SLC35F3: variants seen among roughly 807,000 people sequenced by gnomAD.
SLC35F3 encodes the protein putative thiamine transporter SLC35F3.
Under a neutral mutation model 49.9 loss-of-function variants are expected in SLC35F3, and 25 were observed. That is an observed-to-expected ratio of 0.50 (90% CI 0.37 to 0.70). The LOEUF (loss-of-function observed/expected upper bound fraction) is 0.70. Ranked by LOEUF, SLC35F3 falls within the 30% of genes least tolerant of loss-of-function variation. The pLI, the probability that SLC35F3 is intolerant of heterozygous loss-of-function variation, is 0.00. For synonymous variants in SLC35F3, 275 were observed against 265.4 expected, an observed-to-expected ratio of 1.04 and a Z score of -0.35; for missense variants, 525 against 639.8, an observed-to-expected ratio of 0.82 and a Z score of 1.94.
intron 2 of SLC35F3, among the ~76,000 whole-genome samples, chr1:233,933,544 A>G (rs1259474053): frequency 2.0e-5 from 3 of 152,104 alleles, no homozygotes; most frequent in Non-Finnish European, 2.9e-5. Context: ...CTGGAGGTGA[A>G]GAGCATTTCA....
intron 2 of SLC35F3, among the ~76,000 whole-genome samples, chr1:234,022,139 A>G (rs1663905248): frequency 6.6e-6 from 1 of 152,204 alleles, no homozygotes; most frequent in African/African-American, 2.4e-5. Context: ...TTCCTGGTTG[A>G]GATGATCACA....
At chr1:234,252,573 G>C (rs777928268) in intron 3 of SLC35F3, among the ~76,000 whole-genome samples, 1 of 152,160 alleles carries the variant, frequency 6.6e-6, no homozygotes, top group Non-Finnish European at 1.5e-5. Flanking sequence ...GATATAAACA[G>C]ATACTGCATA....
intron 2 of SLC35F3, among the ~76,000 whole-genome samples, chr1:233,967,733 A>G (rs1262355866): frequency 6.6e-6 from 1 of 152,222 alleles, no homozygotes; most frequent in South Asian, 2.1e-4. Context: ...CCCATGTCTA[A>G]ACAAATTTTT....
At chr1:234,019,409 T>C (rs1320070010) in intron 2 of SLC35F3, among the ~76,000 whole-genome samples, 1 of 152,142 alleles carries the variant, frequency 6.6e-6, no homozygotes, top group Admixed American at 6.6e-5. Context: ...AAATTTACTT[T>C]AAGGAACTGG....
At chr1:234,086,899 G>C (rs1031980507) in intron 2 of SLC35F3, among the ~76,000 whole-genome samples, 1 of 152,200 alleles carries the variant, frequency 6.6e-6, no homozygotes, top group African/African-American at 2.4e-5. Flanking sequence ...TCCCTGCCTT[G>C]ACAACATGTG....
rs1662555237 is a variant in SLC35F3, at chr1:233,948,610, GTGCAGGTTA to G, written c.283+42853_283+42861del. ...AAGTTTTAGGGTACATGTGCACATT[GTGCAGGTTA>G]GTTACATATGTATACATGAGCCATG... On this transcript the variant is annotated intron_variant, in intron 2 of 7. Coordinates refer to ENST00000366618, the MANE Select transcript of SLC35F3 (RefSeq NM_173508.4). Among the ~76,000 whole-genome samples the G allele has an allele frequency of 1.4e-5, 2 of 147,582 alleles. 1 individual carries two copies.
At chr1:234,209,346 ACTCCAGTTAGGCCATAATAAAAAAAAAG>A (rs962246437) in intron 2 of SLC35F3, among the ~76,000 whole-genome samples, 15 of 151,674 alleles carry the variant, frequency 9.9e-5, no homozygotes, top group Admixed American at 3.9e-4. Flanking sequence ...TTATGGCCTA[ACTCCAGTTAGGCCATAATAAAAAAAAAG>A]CTCCAGTGAA....
At chr1:234,239,352 C>G (rs1386768030) in intron 3 of SLC35F3, among the ~76,000 whole-genome samples, 1 of 152,164 alleles carries the variant, frequency 6.6e-6, no homozygotes, top group Non-Finnish European at 1.5e-5. Context: ...TGCTCAGGCA[C>G]CACCCCATCC....
intron 2 of SLC35F3, among the ~76,000 whole-genome samples, chr1:234,196,777 TA>T (rs1572090711): frequency 6.6e-6 from 1 of 152,000 alleles, no homozygotes; most frequent in African/African-American, 2.4e-5. Context: ...TCGTCTCTAC[TA>T]AAAAAATACA....
intron 2 of SLC35F3, among the ~76,000 whole-genome samples, chr1:234,072,851 T>G (rs910898344): frequency 2.6e-5 from 4 of 152,092 alleles, no homozygotes; most frequent in Admixed American, 2.6e-4. Flanking sequence ...TGGCTTGGCA[T>G]GGAGAGATGG....
intron 2 of SLC35F3, among the ~76,000 whole-genome samples, chr1:234,176,479 C>T (rs988764086): frequency 7.2e-5 from 11 of 152,188 alleles, no homozygotes; most frequent in Non-Finnish European, 1.5e-4. Flanking sequence ...CCCAGAGCCC[C>T]CTCACCCATA....
At chr1:234,274,115 G>A (rs1572128961) in intron 3 of SLC35F3, 1 of 152,218 alleles carries the variant, frequency 6.6e-6, no homozygotes, top group South Asian at 2.1e-4. Flanking sequence ...ATAGTTCTCA[G>A]GGGGAAATGT....
chr1:234,084,250 C>CACAA (rs1248006440), intron 2 of SLC35F3, among the ~76,000 whole-genome samples: 1 of 151,338 alleles, frequency 6.6e-6, no homozygotes, highest in Admixed American at 6.6e-5. Flanking sequence ...CACACACACA[C>CACAA]AATTTTGTGT....
intron 2 of SLC35F3, among the ~76,000 whole-genome samples, chr1:234,125,851 C>T (rs1195822553): frequency 1.3e-5 from 2 of 152,196 alleles, no homozygotes; most frequent in African/African-American, 4.8e-5. Flanking sequence ...CCACAACCCT[C>T]GGACCCCTCG....
chr1:234,141,322 C>T (rs1362075075), intron 2 of SLC35F3, among the ~76,000 whole-genome samples: 6 of 152,126 alleles, frequency 3.9e-5, no homozygotes, highest in African/African-American at 9.7e-5. Flanking sequence ...TGTGGAGACC[C>T]GGGCCCTAGA....
intron 2 of SLC35F3, among the ~76,000 whole-genome samples, chr1:234,173,266 G>A (rs1416700371): frequency 6.6e-6 from 1 of 152,256 alleles, no homozygotes; most frequent in Middle Eastern, 3.4e-3. Flanking sequence ...ATTATTATAC[G>A]CCAGATGTTG....
rs183721773 is a variant in SLC35F3, at chr1:233,915,794, C to T, written c.283+10036C>T. ...CAGGCAAAGAGAGAGAGAGCTTGTT[C>T]AGAGGAACTCCTCTTTTTAAAACCA... On this transcript the variant is annotated intron_variant, in intron 2 of 7. Transcript: ENST00000366618. Among the ~76,000 whole-genome samples, 3 of 152,268 alleles carry T rather than the reference C, an allele frequency of 2.0e-5. No homozygotes were observed. In the East Asian group the frequency reaches 5.8e-4, roughly 29 times the overall value.
At chr1:234,268,281 C>T (rs1349402349) in intron 3 of SLC35F3, among the ~76,000 whole-genome samples, 6 of 152,258 alleles carry the variant, frequency 3.9e-5, no homozygotes, top group East Asian at 1.9e-4. Context: ...AGCGAAACCC[C>T]GTCTCCACCA....
At chr1:234,211,601 AT>A (rs1257636999) in intron 2 of SLC35F3, among the ~76,000 whole-genome samples, 1 of 152,236 alleles carries the variant, frequency 6.6e-6, no homozygotes, top group Non-Finnish European at 1.5e-5. Context: ...TTGGACTTGC[AT>A]GAGGCCTGTA....
Sources: allele counts gnomAD v4.1 joint callset (sites outside exome capture counted in the v4.1 genomes callset), GRCh38; gene constraint gnomAD v4.1.1; transcripts MANE v1.5; gene names NCBI Gene and HGNC (gene_info 2026-07-23, HGNC 2026-07-21).